Variants in WWOX observed in about 807,000 individuals in gnomAD.
WWOX encodes WW domain-containing oxidoreductase.
A neutral mutation model predicts 46.2 loss-of-function variants in WWOX; 69 were observed. That is an observed-to-expected ratio of 1.49 (90% CI 1.23 to 1.82). The LOEUF (loss-of-function observed/expected upper bound fraction) is 1.82. WWOX is among the 40% of genes most tolerant of loss of function. WWOX has a pLI of 0.00. For synonymous variants in WWOX, 359 were observed against 202.6 expected (o/e 1.77, Z -6.56); for missense variants, 919 against 542.6 (o/e 1.69, Z -6.89).
intron 8 of WWOX, among the ~76,000 whole-genome samples, chr16:78,947,380 C>CT (rs72528104): frequency 1.4e-5 from 2 of 144,968 alleles, no homozygotes; most frequent in African/African-American, 5.8e-5. Flanking sequence ...CTCTTCCCCC[C>CT]CTTAGCTGTA....
intron 5 of WWOX, among the ~76,000 whole-genome samples, chr16:78,277,306 G>A (rs1168279806): frequency 6.6e-6 from 1 of 152,190 alleles, no homozygotes; most frequent in East Asian, 1.9e-4. Flanking sequence ...GTTTGTGTAA[G>A]GGATGAACGA....
At chr16:78,325,963 C>A (rs144762591) in intron 5 of WWOX, among the ~76,000 whole-genome samples, 2 of 152,252 alleles carry the variant, frequency 1.3e-5, no homozygotes, top group South Asian at 4.1e-4. Context: ...AACATCATTT[C>A]ATTTTCACAG....
At position 79,023,758 on chromosome 16, in the gene WWOX, A is replaced by G. The variant is rs574301088; in HGVS notation, c.1057-187850A>G. 3.9e-4 allele frequency among the ~76,000 whole-genome samples: 59 copies of G among 149,428 alleles called. 1 individual carries two copies. Among genetic ancestry groups the G allele is most frequent in the African/African-American group, 1.5e-3 (59 of 40,322 alleles). On this transcript the variant is annotated intron_variant, in intron 8 of 8. Coordinates refer to ENST00000566780, the MANE Select transcript of WWOX (RefSeq NM_016373.4). ...CTGGTGGTGATACCCCATCTCTACT[A>G]AAATATGGTGATACCCCATCTCTAC... is the stretch of plus-strand genomic sequence containing the variant.
intron 8 of WWOX, among the ~76,000 whole-genome samples, chr16:78,438,022 T>G (rs1325079732): frequency 6.6e-6 from 1 of 152,160 alleles, no homozygotes; most frequent in African/African-American, 2.4e-5. Flanking sequence ...TTGTATCTGG[T>G]GCACATAAGG....
chr16:78,686,419 G>C (rs981655843), intron 8 of WWOX, among the ~76,000 whole-genome samples: 2 of 152,074 alleles, frequency 1.3e-5, no homozygotes, highest in Non-Finnish European at 2.9e-5. Context: ...GCCGAGGCAG[G>C]AGAATGGTGT....
intron 8 of WWOX, among the ~76,000 whole-genome samples, chr16:78,950,442 T>C (rs1423141734): frequency 6.6e-6 from 1 of 151,944 alleles, no homozygotes; most frequent in Non-Finnish European, 1.5e-5. Flanking sequence ...GAAAAAGATG[T>C]TGGGTTGGAA....
At chr16:78,641,844 C>T (rs966513811) in intron 8 of WWOX, among the ~76,000 whole-genome samples, 2 of 152,206 alleles carry the variant, frequency 1.3e-5, no homozygotes, top group Non-Finnish European at 2.9e-5. Context: ...TGCAGAATTT[C>T]AGTTCAATAC....
At chr16:78,247,898 T>A (rs572090548) in intron 5 of WWOX, among the ~76,000 whole-genome samples, 1 of 152,310 alleles carries the variant, frequency 6.6e-6, no homozygotes, top group East Asian at 1.9e-4. Context: ...GCCTTGGCGA[T>A]CCATAGCCCT....
intron 5 of WWOX, among the ~76,000 whole-genome samples, chr16:78,225,511 C>T (rs2037021967): frequency 6.6e-6 from 1 of 152,088 alleles, no homozygotes; most frequent in African/African-American, 2.4e-5. Flanking sequence ...AATTGTTACG[C>T]TTTAAAAATC....
chr16:78,645,781 A>G (rs867384250), intron 8 of WWOX, among the ~76,000 whole-genome samples: 47 of 152,274 alleles, frequency 3.1e-4, no homozygotes, highest in East Asian at 2.3e-3. Context: ...TTTGGAAGCA[A>G]CAGACATCCA....
At chr16:78,428,474 G>C (rs7202482) in intron 7 of WWOX, among the ~76,000 whole-genome samples, 27,765 of 151,994 alleles carry the variant, frequency 0.18, 3,427 homozygotes, top group African/African-American at 0.34. Flanking sequence ...ACCCTTACAG[G>C]GAAGGGCTCT....
chr16:78,750,725 G>C (rs149087251), intron 8 of WWOX, among the ~76,000 whole-genome samples: 1 of 152,086 alleles, frequency 6.6e-6, no homozygotes, highest in East Asian at 1.9e-4. Context: ...GCTTCGACTT[G>C]TAAGTAAGAA....
intron 5 of WWOX, among the ~76,000 whole-genome samples, chr16:78,177,302 A>T (rs1427920820): frequency 6.6e-6 from 1 of 152,170 alleles, no homozygotes; most frequent in Non-Finnish European, 1.5e-5. Context: ...TTTATCCAAC[A>T]TCTATTACGT....
chr16:78,987,403 G>C (rs755454179), intron 8 of WWOX, among the ~76,000 whole-genome samples: 10 of 152,334 alleles, frequency 6.6e-5, no homozygotes, highest in East Asian at 1.9e-4. Flanking sequence ...GATTTTTCAA[G>C]TTTGTTCATG....
chr16:78,304,522 G>A (rs530148236), intron 5 of WWOX, among the ~76,000 whole-genome samples: 1 of 152,148 alleles, frequency 6.6e-6, no homozygotes, highest in South Asian at 2.1e-4. Context: ...ATGTCTGCAG[G>A]GTAAGCACAC....
intron 6 of WWOX, among the ~76,000 whole-genome samples, chr16:78,402,440 A>G (rs1311054832): frequency 6.6e-6 from 1 of 152,116 alleles, no homozygotes; most frequent in Non-Finnish European, 1.5e-5. Flanking sequence ...TATGAACATT[A>G]TTGTGATTAT....
intron 8 of WWOX, among the ~76,000 whole-genome samples, chr16:78,513,966 G>C (rs1471859355): frequency 6.9e-6 from 1 of 145,080 alleles, no homozygotes; most frequent in African/African-American, 2.7e-5. Context: ...CTCTTCCCTT[G>C]CAGGTGTCTG....
At chr16:78,165,397 C>A (rs923823158) in intron 5 of WWOX, among the ~76,000 whole-genome samples, 43 of 152,184 alleles carry the variant, frequency 2.8e-4, no homozygotes, top group African/African-American at 1.0e-3. Context: ...AAACACAGAT[C>A]TTAATGTAAA....
At chr16:78,936,520 C>A (rs1049104934) in intron 8 of WWOX, among the ~76,000 whole-genome samples, 1 of 152,138 alleles carries the variant, frequency 6.6e-6, no homozygotes, top group South Asian at 2.1e-4. Flanking sequence ...TATTAAAACT[C>A]ATGCCAGTGG....
Sources: gnomAD v4.1 joint callset for allele counts (sites outside exome capture counted in the v4.1 genomes callset) on GRCh38, gnomAD v4.1.1 for gene constraint, MANE v1.5 for transcripts, NCBI Gene and HGNC (gene_info 2026-07-23, HGNC 2026-07-21) for gene names.